The following CORIN variants were observed in gnomAD, a reference collection of about 807,000 sequenced individuals.
The protein encoded by CORIN is atrial natriuretic peptide-converting enzyme.
In CORIN, 117 loss-of-function variants were observed where a neutral mutation model predicts 125.3. The ratio of observed to expected loss-of-function variants is 0.93; its 90% CI spans 0.80 to 1.09. The LOEUF (loss-of-function observed/expected upper bound fraction) is 1.09, where lower values mean the gene tolerates loss of function less well. Ranked by LOEUF, CORIN falls within the 50% of genes least tolerant of loss-of-function variation. CORIN has a pLI of 0.00. For missense variants in CORIN, 1,253 were observed against 1,306.7 expected (o/e 0.96, Z 0.63); for synonymous variants, 450 against 466.4 (o/e 0.96, Z 0.45).
chr4:47,672,134 C>T (rs1724790729), intron 10 of CORIN, among the ~76,000 whole-genome samples: 1 of 152,164 alleles, frequency 6.6e-6, no homozygotes, highest in Non-Finnish European at 1.5e-5. Flanking sequence ...TGTTCTCCCA[C>T]ACTGAAAAGT....
At chr4:47,605,805 A>C (rs1721625916) in intron 19 of CORIN, among the ~76,000 whole-genome samples, 1 of 151,998 alleles carries the variant, frequency 6.6e-6, no homozygotes, top group Admixed American at 6.6e-5. Context: ...GCAAAACCCC[A>C]CCCACAACCC....
chr4:47,598,405 A>G (rs936383135), intron 21 of CORIN, among the ~76,000 whole-genome samples: 1 of 152,186 alleles, frequency 6.6e-6, no homozygotes, highest in Non-Finnish European at 1.5e-5. Context: ...CACTGAACTC[A>G]GTATACACCA....
In CORIN at chr4:47,788,490, T is replaced by G. The variant is rs138750807; in HGVS notation, c.209-1565A>C. On this transcript the variant is annotated intron_variant, in intron 2 of 21. Transcript: ENST00000273857. ...CCATCTGTGTGATCATGAGTAAAAG[T>G]CAAATGCAGTAGGTAAAATGAAGGA... 4.4e-3 allele frequency among the ~76,000 whole-genome samples: 670 copies of G among 152,254 alleles called. 15 individuals carry two copies. Among genetic ancestry groups the G allele is most frequent in the East Asian group, 0.016 (84 of 5,188 alleles).
chr4:47,708,683 C>G (rs1461208317), intron 5 of CORIN, among the ~76,000 whole-genome samples: 2 of 152,160 alleles, frequency 1.3e-5, no homozygotes, highest in African/African-American at 4.8e-5. Flanking sequence ...TGCCTTCTCT[C>G]CCACCTGCTG....
intron 10 of CORIN, among the ~76,000 whole-genome samples, chr4:47,671,762 T>G (rs1292153867): frequency 6.6e-6 from 1 of 151,950 alleles, no homozygotes; most frequent in Non-Finnish European, 1.5e-5. Context: ...TTTTTTTTTT[T>G]GTATTTTTAG....
chr4:47,705,166 T>C (rs1490504581), intron 5 of CORIN, among the ~76,000 whole-genome samples: 1 of 152,266 alleles, frequency 6.6e-6, no homozygotes, highest in Non-Finnish European at 1.5e-5. Context: ...ACTGCTTTTT[T>C]TCCCCCTGAC....
chr4:47,610,923 G>T (rs529564005), intron 19 of CORIN, among the ~76,000 whole-genome samples: 4 of 151,950 alleles, frequency 2.6e-5, no homozygotes, highest in African/African-American at 4.8e-5. Flanking sequence ...CTTATTTCTG[G>T]GTTCTCTATT....
intron 19 of CORIN, among the ~76,000 whole-genome samples, chr4:47,606,082 C>T (rs1171249463): frequency 6.6e-6 from 1 of 152,072 alleles, no homozygotes; most frequent in Non-Finnish European, 1.5e-5. Flanking sequence ...TAGCAATTTT[C>T]TCTATGCCAA....
At chr4:47,730,298 C>A (rs539792037) in intron 5 of CORIN, among the ~76,000 whole-genome samples, 1 of 151,934 alleles carries the variant, frequency 6.6e-6, no homozygotes, top group Non-Finnish European at 1.5e-5. Context: ...TATGGTGAAA[C>A]CCCATCTCTA....
chr4:47,639,520 G>T (rs543018317), intron 16 of CORIN, among the ~76,000 whole-genome samples: 2 of 152,346 alleles, frequency 1.3e-5, no homozygotes, highest in Non-Finnish European at 2.9e-5. Flanking sequence ...GTTGGGAGTT[G>T]CTTTTTAAAC....
intron 19 of CORIN, among the ~76,000 whole-genome samples, chr4:47,619,627 G>A (rs905249555): frequency 1.2e-4 from 18 of 152,032 alleles, no homozygotes; most frequent in African/African-American, 3.9e-4. Flanking sequence ...TATTATGTAC[G>A]TGCCTTTAAT....
In CORIN at chr4:47,837,925, G is replaced by A. The variant is rs1733545852; in HGVS notation, c.25C>T (p.Pro9Ser). 1 of 1,613,676 alleles carries A rather than the reference G, an allele frequency of 6.2e-7. No individual in the cohort carries two copies. The highest frequency in any genetic ancestry group is 8.5e-7 in the Non-Finnish European group (1 of 1,180,042). Residue 9 changes from proline (P) to serine (S), a missense_variant, in exon 1 of 22, where the codon CCG becomes TCG. Coordinates refer to ENST00000273857, the MANE Select transcript of CORIN (RefSeq NM_006587.4). MKQSPALA[P>S]EERCRRAGSP... ...CCGGCTCTGCGGCAGCGCTCTTCCG[G>A]AGCGAGGGCAGGAGACTGTTTCATG...
At chr4:47,749,165 C>T (rs1261323202) in intron 4 of CORIN, among the ~76,000 whole-genome samples, 5 of 152,006 alleles carry the variant, frequency 3.3e-5, no homozygotes, top group South Asian at 4.2e-4. Context: ...TTTAAGATGG[C>T]CCGCAATGAT....
chr4:47,652,733 G>A (rs1033090563), intron 13 of CORIN: 26 of 152,192 alleles, frequency 1.7e-4, no homozygotes, highest in Admixed American at 1.4e-3. Context: ...ATCCTTTGCC[G>A]AAAGAGAAAA....
chr4:47,801,922 G>A (rs1423839134), intron 2 of CORIN, among the ~76,000 whole-genome samples: 3 of 152,256 alleles, frequency 2.0e-5, no homozygotes, highest in Non-Finnish European at 4.4e-5. Context: ...CAAGCTAGGT[G>A]GCTAAGGGAG....
At chr4:47,642,297 T>C (rs1723263716) in intron 15 of CORIN, among the ~76,000 whole-genome samples, 1 of 152,220 alleles carries the variant, frequency 6.6e-6, no homozygotes, top group African/African-American at 2.4e-5. Context: ...AGGCAGTTCT[T>C]AACTTTTCTT....
At chr4:47,649,032 C>T (rs1049664434) in intron 13 of CORIN, among the ~76,000 whole-genome samples, 1 of 152,216 alleles carries the variant, frequency 6.6e-6, no homozygotes. Flanking sequence ...CTGCTTCCCA[C>T]TGTGGTCTAG....
chr4:47,836,155 G>A (rs1423193471), intron 1 of CORIN, among the ~76,000 whole-genome samples: 4 of 152,122 alleles, frequency 2.6e-5, no homozygotes, highest in African/African-American at 9.7e-5. Context: ...GCCCACACGT[G>A]AGTCTATGCA....
chr4:47,656,590 G>GA (rs544950737), intron 12 of CORIN, among the ~76,000 whole-genome samples: 12 of 151,882 alleles, frequency 7.9e-5, no homozygotes, highest in African/African-American at 2.2e-4. Flanking sequence ...ATCCCTTCCT[G>GA]AAAAAAAATC....
Sources: gnomAD v4.1 joint callset for allele counts (sites outside exome capture counted in the v4.1 genomes callset) on GRCh38, gnomAD v4.1.1 for gene constraint, MANE v1.5 for transcripts, NCBI Gene and HGNC (gene_info 2026-07-23, HGNC 2026-07-21) for gene names.